CTSV: variants seen among roughly 807,000 people sequenced by gnomAD.
CTSV encodes cathepsin V, also known as cathepsin L2.
A neutral mutation model predicts 35.6 loss-of-function variants in CTSV; 33 were observed. The ratio of observed to expected loss-of-function variants is 0.93; its 90% CI spans 0.70 to 1.24. The LOEUF is 1.24. Among genes scored for constraint, CTSV ranks in the 50% most tolerant of loss-of-function variants. CTSV has a pLI of 0.00. For synonymous variants in CTSV, 154 were observed against 147.1 expected, an observed-to-expected ratio of 1.05 and a Z score of -0.34; for missense variants, 408 against 413.1, an observed-to-expected ratio of 0.99 and a Z score of 0.11.
In CTSV at chr9:97,032,989, T is replaced by C; in HGVS notation, c.965A>G (p.His322Arg). 6.2e-7 allele frequency: 1 copy of C among 1,613,596 alleles called. No individual in the cohort carries two copies. Among genetic ancestry groups the C allele is most frequent in the Non-Finnish European group, 8.5e-7 (1 of 1,179,726 alleles). The stretch of plus-strand genomic sequence containing the variant: ...GCTGGCTGCTGTGGCGATTCCACAG[T>C]GGTTGTTCTTGTCTTTGGCTATTTT... ...YVKIAKDKNN[H>R]CGIATAASYP... The change falls in exon 8 of 8, where the codon CAC becomes CGC. Residue 322 changes from histidine to arginine, a missense_variant. His to Arg is a conservative substitution (Grantham distance 29, BLOSUM62 0). Coordinates refer to ENST00000259470, the MANE Select transcript of CTSV (RefSeq NM_001333.4).
At chr9:97,039,370 G>A (rs1050515717), upstream of CTSV, 2 of 152,838 alleles carry the variant, frequency 1.3e-5, no homozygotes, top group African/African-American at 2.4e-5. Flanking sequence ...CGGAGGAGGG[G>A]GAGGCGCCTC....
chr9:97,039,150 C>T (rs1337098150), upstream of CTSV: 3 of 152,304 alleles, frequency 2.0e-5, no homozygotes, highest in Non-Finnish European at 4.4e-5. Flanking sequence ...GGTGCAGGTT[C>T]GCCCGCCTCG....
At chr9:97,035,772 C>G in intron 5 of CTSV, 79 bp from the exon 6 acceptor site, 2 of 946,436 alleles carry the variant, frequency 2.1e-6, no homozygotes, top group South Asian at 4.4e-5. Flanking sequence ...CCGAAACACT[C>G]AGCAATTTGC....
At chr9:97,036,832 TAAAAA>T in intron 4 of CTSV, 85 bp from the exon 5 acceptor site, 2 of 892,264 alleles carry the variant, frequency 2.2e-6, no homozygotes, top group South Asian at 2.6e-5. Flanking sequence ...TAATATTCTT[TAAAAA>T]AAAAAAAAAC....
Position 97,032,993 on chromosome 9 carries a change from T to TGA in CTSV, c.960_961insTC (p.Asn321SerfsTer36). The stretch of plus-strand genomic sequence containing the variant: ...GCTGCTGTGGCGATTCCACAGTGGT[T>TGA]GTTCTTGTCTTTGGCTATTTTTACA... On this transcript the variant is annotated frameshift_variant, in exon 8 of 8. Transcript: ENST00000259470. LOFTEE classifies it high-confidence loss of function. The TGA allele has an allele frequency of 6.2e-7, 1 of 1,613,740 alleles. No individual in the cohort carries two copies. The highest frequency in any genetic ancestry group is 8.5e-7 in the Non-Finnish European group (1 of 1,179,816).
Position 97,036,587 on chromosome 9 carries a change from G to A in CTSV, c.557C>T (p.Ala186Val), listed in dbSNP as rs778215806. 6.2e-7 allele frequency: 1 copy of A among 1,614,028 alleles called. No individual in the cohort carries two copies. The highest frequency in any genetic ancestry group is 1.1e-5 in the South Asian group (1 of 91,074). Residue 186 changes from alanine to valine, a missense_variant, in exon 5 of 8, where the codon GCC becomes GTC. Physicochemically the swap from Ala to Val is moderately conservative, Grantham distance 64 (BLOSUM62 0). Coordinates refer to ENST00000259470, the MANE Select transcript of CTSV (RefSeq NM_001333.4). ...QGCNGGFMAR[A>V]FQYVKENGGL... ...TCCGTTCTCCTTGACATACTGGAAGGCCCTAGCCATGAAGCCACCATTGCA... is the reference window on the plus strand; with the variant it reads ...TCCGTTCTCCTTGACATACTGGAAGACCCTAGCCATGAAGCCACCATTGCA...
At position 97,034,783 on chromosome 9, in the gene CTSV, C is replaced by T; in HGVS notation, c.848G>A (p.Gly283Asp). The stretch of plus-strand genomic sequence containing the variant: ...CGAATTTGCTCCTTCAAAGCCGTAG[C>T]CAACCACCAGAACACCATGATCCAG... ...KNLDHGVLVV[G>D]YGFEGANSNN... is the part of the protein sequence containing the mutation. The change falls in exon 7 of 8, where the codon GGC becomes GAC. Residue 283 changes from glycine to aspartate, a missense_variant. Transcript: ENST00000259470. 1 of 1,614,070 alleles carries T rather than the reference C, an allele frequency of 6.2e-7. No individual in the cohort carries two copies. The highest frequency in any genetic ancestry group is 1.1e-5 in the South Asian group (1 of 91,072).
chr9:97,036,491 G>T, intron 5 of CTSV, 32 bp downstream of exon 5: 1 of 1,500,306 alleles, frequency 6.7e-7, no homozygotes, highest in Non-Finnish European at 9.3e-7. Flanking sequence ...CAAAAGCAGA[G>T]CACGAATGAC....
In CTSV at chr9:97,030,710, A is replaced by G. The variant is rs1290289049; in HGVS notation, c.*2239T>C. On this transcript the variant is annotated 3_prime_UTR_variant, in exon 8 of 8. Coordinates refer to ENST00000259470, the MANE Select transcript of CTSV (RefSeq NM_001333.4). ...TATCTGCAGCAGGAACATGTCCTTA[A>G]GGCACAGATCGCTCATGCTATTGTT... The G allele has an allele frequency of 1.3e-5, 2 of 152,252 alleles. No individual in the cohort carries two copies. Among genetic ancestry groups the G allele is most frequent in the Admixed American group, 6.5e-5 (1 of 15,280 alleles). 9.4% of individuals were successfully genotyped at this position (152,252 alleles called of 1,614,324 possible). A position where few individuals can be genotyped will look rare whatever the true frequency, so the allele number is the denominator to read the frequency against.
rs369075309 is a variant in CTSV at position 97,037,403 on chromosome 9, A to G, written c.250-5T>C. 9 of 1,613,882 alleles carry G rather than the reference A, an allele frequency of 5.6e-6. No individual in the cohort carries two copies. The highest frequency in any genetic ancestry group is 7.6e-6 in the Non-Finnish European group (9 of 1,179,978). ...CTGCCTGAATTCTTCATTGGTCTTC[A>G]AGGAGAAGTAAATAAAATGTTAAAA... On this transcript the variant is annotated splice_polypyrimidine_tract_variant and splice_region_variant and intron_variant, in intron 3 of 7. Coordinates refer to ENST00000259470, the MANE Select transcript of CTSV (RefSeq NM_001333.4).
intron 1 of CTSV, chr9:97,038,284 GGT>G: frequency 2.5e-6 from 1 of 403,214 alleles, no homozygotes; most frequent in Non-Finnish European, 4.6e-6. Flanking sequence ...GTATGAGAAG[GGT>G]GTGAAAGATA....
intron 1 of CTSV, chr9:97,038,618 G>A (rs1206678210): frequency 1.3e-5 from 2 of 152,504 alleles, no homozygotes; most frequent in East Asian, 1.9e-4. Context: ...CCCCTAAACC[G>A]GGGCAGGGTC....
chr9:97,037,654 T>C (rs1828879200), intron 2 of CTSV, 39 bp from the exon 3 acceptor site: 4 of 1,607,244 alleles, frequency 2.5e-6, no homozygotes, highest in Non-Finnish European at 3.4e-6. Flanking sequence ...TTATGTCTAC[T>C]TACCCAACCC....
Position 97,037,267 on chromosome 9 carries a change from C to T in CTSV, c.381G>A (p.Thr127=), listed in dbSNP as rs763498015. Residue 127 remains threonine, a synonymous_variant, in exon 4 of 8, where the codon ACG becomes ACA. Coordinates refer to ENST00000259470, the MANE Select transcript of CTSV (RefSeq NM_001333.4). ...SVDWRKKGYV[T]PVKNQKQCGS... Reference sequence around the variant, plus strand: ...GCTGTCTCACCTGATTCTTCACTGGCGTCACGTAGCCTTTCTTTCTCCAAT... The same window carrying T: ...GCTGTCTCACCTGATTCTTCACTGGTGTCACGTAGCCTTTCTTTCTCCAAT... The T allele has an allele frequency of 1.4e-5, 23 of 1,613,788 alleles. No homozygotes were observed. Among genetic ancestry groups the T allele is most frequent in the African/African-American group, 6.7e-5 (5 of 74,908 alleles).
Position 97,032,710 on chromosome 9 carries a change from G to T in CTSV, c.*239C>A. 1.6e-5 allele frequency: 6 copies of T among 369,810 alleles called. No individual in the cohort carries two copies. Among genetic ancestry groups the T allele is most frequent in the East Asian group, 4.1e-5 (1 of 24,328 alleles). The allele number at this position is 369,810 out of a possible 1,614,324, so 22.9% of individuals were successfully genotyped here. ...TGTTTTGTACATCTTTTTAAAAAAT[G>T]AAAATTCAAAAGTCTTAGAATTAAG... On this transcript the variant is annotated 3_prime_UTR_variant, in exon 8 of 8. Transcript: ENST00000259470.
In CTSV at chr9:97,036,530, A is replaced by C; in HGVS notation, c.614T>G (p.Val205Gly). The C allele has an allele frequency of 6.2e-7, 1 of 1,611,620 alleles. No homozygotes were observed. The highest frequency in any genetic ancestry group is 8.5e-7 in the Non-Finnish European group (1 of 1,177,696). ...GLDSEESYPY[V>G]AVDEICKYRP... ...ATAAGGAGCTCCATTTACCACTGCT[A>C]CATATGGATAGGATTCCTCAGAGTC... Residue 205 changes from valine (V) to glycine (G), a missense_variant, in exon 5 of 8, where the codon GTA becomes GGA. Transcript: ENST00000259470.
At chr9:97,035,724 C>T in intron 5 of CTSV, 31 bp from the exon 6 acceptor site, 1 of 1,385,444 alleles carries the variant, frequency 7.2e-7, no homozygotes, top group Non-Finnish European at 9.5e-7. Flanking sequence ...GAGACTTGAT[C>T]ACTACCATCT....
At chr9:97,034,530 T>G (rs1299083116) in intron 7 of CTSV, among the ~76,000 whole-genome samples, 196 bp downstream of exon 7, 1 of 152,214 alleles carries the variant, frequency 6.6e-6, no homozygotes, top group Non-Finnish European at 1.5e-5. Context: ...TTTCAAAACT[T>G]AGTAATAAAA....
chr9:97,036,574 GACAT>G lies in CTSV; in HGVS notation c.566_569del (p.Tyr189SerfsTer16), dbSNP rs1564075043. Reference sequence around the variant, plus strand: ...CAGAGTCCAGGCCTCCGTTCTCCTTGACATACTGGAAGGCCCTAGCCATGAAGCC... The same window carrying G: ...CAGAGTCCAGGCCTCCGTTCTCCTTGACTGGAAGGCCCTAGCCATGAAGCC... On this transcript the variant is annotated frameshift_variant, in exon 5 of 8. Transcript: ENST00000259470. LOFTEE classifies it high-confidence loss of function. 6.2e-7 allele frequency: 1 copy of G among 1,614,064 alleles called. No homozygotes were observed. The highest frequency in any genetic ancestry group is 2.2e-5 in the East Asian group (1 of 44,872).
Sources: allele counts gnomAD v4.1 joint callset (sites outside exome capture counted in the v4.1 genomes callset), GRCh38; gene constraint gnomAD v4.1.1; transcripts MANE v1.5; gene names NCBI Gene and HGNC (gene_info 2026-07-23, HGNC 2026-07-21).